The following PDHX variants were observed in gnomAD, a reference collection of about 807,000 sequenced individuals.
PDHX encodes pyruvate dehydrogenase protein X component, mitochondrial.
Under a neutral mutation model 55.3 loss-of-function variants are expected in PDHX, and 33 were observed. The ratio of observed to expected loss-of-function variants is 0.60; its 90% CI spans 0.45 to 0.80. The LOEUF is 0.80. Among genes scored for constraint, PDHX ranks in the 30% least tolerant of loss-of-function variants. The pLI, the probability that PDHX is intolerant of heterozygous loss-of-function variation, is 0.00. For missense variants in PDHX, 622 were observed against 619.9 expected (o/e 1.00, Z -0.04); for synonymous variants, 226 against 219.4 (o/e 1.03, Z -0.27).
At chr11:34,932,536 T>A (rs1410866356) in intron 2 of PDHX, among the ~76,000 whole-genome samples, 1 of 152,190 alleles carries the variant, frequency 6.6e-6, no homozygotes. Context: ...AAATGTCATT[T>A]CTTACTGATT....
Position 34,995,411 on chromosome 11 carries a change from C to T in PDHX, c.*239C>T, listed in dbSNP as rs1249775570. 1 of 477,230 alleles carries T rather than the reference C, an allele frequency of 2.1e-6. No individual in the cohort carries two copies. Among genetic ancestry groups the T allele is most frequent in the African/African-American group, 2.0e-5 (1 of 50,830 alleles). The allele number at this position is 477,230 out of a possible 1,614,324, so 29.6% of individuals were successfully genotyped here. ...AAGAGAATATTTGGTTACTCAGATC[C>T]ATTTTTAACCTCTGGTGCTGTATAA... On this transcript the variant is annotated 3_prime_UTR_variant, in exon 11 of 11. Transcript: ENST00000227868.
chr11:34,928,649 G>C (rs2956081), intron 1 of PDHX, among the ~76,000 whole-genome samples: 90,439 of 151,950 alleles, frequency 0.6, 28,110 homozygotes, highest in East Asian at 0.74. Flanking sequence ...AGCTCATTCT[G>C]TTATCTCCAA....
intron 4 of PDHX, among the ~76,000 whole-genome samples, chr11:34,959,129 A>G (rs1854965732): frequency 6.6e-6 from 1 of 152,064 alleles, no homozygotes; most frequent in Non-Finnish European, 1.5e-5. Flanking sequence ...TTTGTTTACT[A>G]CTTTGCATAC....
chr11:34,995,255 G>A lies in PDHX; in HGVS notation c.*83G>A. ...AACATATGTTATAGGAAAACAACTT[G>A]GTATTTAAGTATGAAGTGGATGAAA... On this transcript the variant is annotated 3_prime_UTR_variant, in exon 11 of 11. Coordinates refer to ENST00000227868, the MANE Select transcript of PDHX (RefSeq NM_003477.3). 1 of 1,437,684 alleles carries A rather than the reference G, an allele frequency of 7.0e-7. No homozygotes were observed. Among genetic ancestry groups the A allele is most frequent in the Non-Finnish European group, 9.8e-7 (1 of 1,023,412 alleles). The allele number at this position is 1,437,684 out of a possible 1,614,324, so 89.1% of individuals were successfully genotyped here. A position where few individuals can be genotyped will look rare whatever the true frequency, so the allele number is the denominator to read the frequency against.
intron 8 of PDHX, among the ~76,000 whole-genome samples, chr11:34,982,967 C>CA (rs1262560858): frequency 6.6e-6 from 1 of 151,898 alleles, no homozygotes; most frequent in Non-Finnish European, 1.5e-5. Context: ...AGAGACACAA[C>CA]AAAAAAAGAG....
intron 10 of PDHX, among the ~76,000 whole-genome samples, chr11:34,993,287 G>A (rs1024900333): frequency 8.6e-5 from 13 of 151,810 alleles, no homozygotes; most frequent in East Asian, 5.8e-4. Flanking sequence ...TTAAATGAAC[G>A]GAAGTTCTGA....
At chr11:34,928,671 G>A (rs369128686) in intron 1 of PDHX, among the ~76,000 whole-genome samples, 22 of 152,274 alleles carry the variant, frequency 1.4e-4, no homozygotes, top group African/African-American at 5.3e-4. Flanking sequence ...TGCATTCAGT[G>A]TGTTAAGCTT....
At chr11:34,987,702 AT>A (rs1855676988) in intron 9 of PDHX, among the ~76,000 whole-genome samples, 1 of 150,638 alleles carries the variant, frequency 6.6e-6, no homozygotes, top group Admixed American at 6.7e-5. Flanking sequence ...GGCATTAAAA[AT>A]AAGTATGCAC....
intron 2 of PDHX, among the ~76,000 whole-genome samples, chr11:34,936,527 T>C (rs950646348): frequency 6.6e-6 from 1 of 152,152 alleles, no homozygotes; most frequent in Non-Finnish European, 1.5e-5. Flanking sequence ...AATGGGCTTT[T>C]TAAAAATAAT....
chr11:34,962,990 C>CCTTT (rs1855052297), intron 5 of PDHX, among the ~76,000 whole-genome samples: 1 of 152,118 alleles, frequency 6.6e-6, no homozygotes, highest in Admixed American at 6.5e-5. Flanking sequence ...CTCTTCCCTG[C>CCTTT]CTTTATTCCT....
chr11:34,937,729 C>T (rs1015539168), intron 2 of PDHX, among the ~76,000 whole-genome samples: 1 of 152,086 alleles, frequency 6.6e-6, no homozygotes, highest in African/African-American at 2.4e-5. Flanking sequence ...CTAAAGAGTC[C>T]TCCTGAGGGT....
chr11:34,941,743 A>G (rs1854489578), intron 2 of PDHX: 1 of 154,330 alleles, frequency 6.5e-6, no homozygotes. Context: ...GCTATGCTTA[A>G]TATCTAGAAT....
At position 34,970,088 on chromosome 11, in the gene PDHX, A is replaced by T. The variant is rs559387598; in HGVS notation, c.817-51A>T. 3 of 1,555,374 alleles carry T rather than the reference A, an allele frequency of 1.9e-6. No homozygotes were observed. Among genetic ancestry groups the T allele is most frequent in the Non-Finnish European group, 2.7e-6 (3 of 1,128,604 alleles). On this transcript the variant is annotated intron_variant, in intron 6 of 10. Coordinates refer to ENST00000227868, the MANE Select transcript of PDHX (RefSeq NM_003477.3). ...TATAAAGTTGCTTGTTTTTTGTTTT[A>T]TTTTTCTATTCCACTTGTGGTTTAA...
chr11:34,981,956 G>C (rs1193724136), intron 8 of PDHX, among the ~76,000 whole-genome samples: 2 of 152,126 alleles, frequency 1.3e-5, no homozygotes, highest in African/African-American at 4.8e-5. Flanking sequence ...TAGGTTGCCT[G>C]TTCACTCTGA....
At chr11:34,990,563 A>G (rs1203252423) in intron 9 of PDHX, among the ~76,000 whole-genome samples, 2 of 152,224 alleles carry the variant, frequency 1.3e-5, no homozygotes, top group Non-Finnish European at 2.9e-5. Context: ...TGTTGAGATC[A>G]TCTGCCTTTA....
At chr11:34,944,915 G>T (rs1854586246) in intron 2 of PDHX, among the ~76,000 whole-genome samples, 2 of 152,032 alleles carry the variant, frequency 1.3e-5, no homozygotes, top group African/African-American at 2.4e-5. Flanking sequence ...GATACATGGG[G>T]ACTTATTTCT....
intron 2 of PDHX, among the ~76,000 whole-genome samples, chr11:34,936,802 T>TGTTTTG (rs1565151985): frequency 1.5e-5 from 2 of 129,156 alleles, no homozygotes; most frequent in South Asian, 2.7e-4. Context: ...TTTTTTTTTT[T>TGTTTTG]TTTCTGAGAC....
intron 8 of PDHX, among the ~76,000 whole-genome samples, chr11:34,983,839 G>C (rs1368276059): frequency 1.3e-5 from 2 of 152,110 alleles, no homozygotes; most frequent in African/African-American, 4.8e-5. Context: ...TGTGAAAATG[G>C]CTATACTGCC....
upstream of PDHX, chr11:34,916,367 C>A (rs1371330207): frequency 2.5e-6 from 4 of 1,570,216 alleles, no homozygotes; most frequent in Admixed American, 3.7e-5. Context: ...GCAGCGAGGC[C>A]GCAAATGCAA....
Sources: gnomAD v4.1 joint callset for allele counts (sites outside exome capture counted in the v4.1 genomes callset) on GRCh38, gnomAD v4.1.1 for gene constraint, MANE v1.5 for transcripts, NCBI Gene and HGNC (gene_info 2026-07-23, HGNC 2026-07-21) for gene names.